The following DPP6 variants were observed in gnomAD, a reference collection of about 807,000 sequenced individuals.
DPP6 encodes A-type potassium channel modulatory protein DPP6.
In DPP6, 69 loss-of-function variants were observed where a neutral mutation model predicts 122.6. The observed-to-expected ratio is 0.56, with a 90% CI of 0.46 to 0.69. DPP6 has a LOEUF of 0.69. DPP6 is among the 30% of genes least tolerant of loss of function. The probability of loss-of-function intolerance (pLI) is 0.00; values close to 1 mark genes in which losing one functional copy is unlikely to be tolerated. For missense variants in DPP6, 928 were observed against 1,116.9 expected (o/e 0.83, Z 2.41); for synonymous variants, 418 against 433.1 (o/e 0.97, Z 0.43).
At chr7:154,063,562 C>A (rs527948367) in intron 1 of DPP6, among the ~76,000 whole-genome samples, 5 of 128,828 alleles carry the variant, frequency 3.9e-5, no homozygotes, top group South Asian at 2.9e-4. Context: ...TGAGAGCTAT[C>A]CCCTCTTCCG....
the DPP6 span, among the ~76,000 whole-genome samples, chr7:153,819,039 C>T: frequency 4.5e-5 from 6 of 134,280 alleles, no homozygotes; most frequent in African/African-American, 1.8e-4. Context: ...CATGAGCCAC[C>T]GCGCCTGGCC....
rs1833498447 is a variant in DPP6 at position 154,603,718 on chromosome 7, AT to A, written c.628-34100del. Among the ~76,000 whole-genome samples, 2 of 104,258 alleles carry A rather than the reference AT, an allele frequency of 1.9e-5. 1 individual carries two copies. Among genetic ancestry groups the A allele is most frequent in the African/African-American group, 5.9e-5 (2 of 33,912 alleles). The allele number at this position is 104,258 out of a possible 152,430, so 68.4% of individuals were successfully genotyped here. The stretch of plus-strand genomic sequence containing the variant: ...GCTCTGGACTCTCTGTTCTTCTTTT[AT>A]TTACTTATTTACTTTTTCTTCTTTT... On this transcript the variant is annotated intron_variant, in intron 5 of 25. Coordinates refer to ENST00000377770, the MANE Select transcript of DPP6 (RefSeq NM_130797.4).
At chr7:153,760,939 C>A in the DPP6 span, among the ~76,000 whole-genome samples, 5 of 152,070 alleles carry the variant, frequency 3.3e-5, no homozygotes, top group Non-Finnish European at 5.9e-5. Flanking sequence ...TCTTTCAGAC[C>A]CTTTAGCGCA....
intron 1 of DPP6, among the ~76,000 whole-genome samples, chr7:154,225,779 G>A (rs542131410): frequency 5.9e-5 from 9 of 152,214 alleles, no homozygotes; most frequent in South Asian, 2.1e-4. Flanking sequence ...GTAAACATAC[G>A]AATTTCTGGC....
intron 16 of DPP6, among the ~76,000 whole-genome samples, chr7:154,834,945 G>A (rs1800934598): frequency 6.6e-6 from 1 of 152,130 alleles, no homozygotes; most frequent in Admixed American, 6.5e-5. Flanking sequence ...TGGCTTGGGG[G>A]TGTCTGAAAA....
chr7:154,425,625 T>TGTGG (rs762292329), intron 1 of DPP6, among the ~76,000 whole-genome samples: 2,283 of 115,660 alleles, frequency 0.02, 20 homozygotes, highest in Non-Finnish European at 0.022. Context: ...TGTGTGGGTG[T>TGTGG]GTGTGTGTGT....
chr7:154,638,333 G>A (rs753388990), intron 6 of DPP6, among the ~76,000 whole-genome samples: 11 of 152,156 alleles, frequency 7.2e-5, no homozygotes, highest in South Asian at 2.1e-4. Context: ...ATGGGATTAC[G>A]GTAAACTACT....
At chr7:154,050,259 G>A (rs1585229506), upstream of DPP6, among the ~76,000 whole-genome samples, 1 of 147,872 alleles carries the variant, frequency 6.8e-6, no homozygotes, top group Middle Eastern at 3.4e-3. Flanking sequence ...TTAAACTTTA[G>A]TTAGATTACA....
chr7:154,519,368 A>G (rs1002389850), intron 3 of DPP6, among the ~76,000 whole-genome samples: 3 of 152,222 alleles, frequency 2.0e-5, no homozygotes, highest in African/African-American at 7.2e-5. Flanking sequence ...CATTCTGCCT[A>G]AGGCAGAGGG....
intron 5 of DPP6, among the ~76,000 whole-genome samples, chr7:154,593,768 G>T (rs1563908423): frequency 6.6e-6 from 1 of 152,296 alleles, no homozygotes; most frequent in South Asian, 2.1e-4. Flanking sequence ...GGCACTCGGG[G>T]GAGCTCAAAC....
chr7:154,626,360 A>T (rs1835066137), intron 5 of DPP6, among the ~76,000 whole-genome samples: 1 of 152,216 alleles, frequency 6.6e-6, no homozygotes, highest in African/African-American at 2.4e-5. Flanking sequence ...TGAAATTTTT[A>T]TTGTTCATCT....
chr7:153,879,445 A>T, the DPP6 span, among the ~76,000 whole-genome samples: 2 of 152,092 alleles, frequency 1.3e-5, no homozygotes, highest in Non-Finnish European at 2.9e-5. Context: ...GCTGGAGTGC[A>T]GCAGTGCCAT....
intron 4 of DPP6, among the ~76,000 whole-genome samples, chr7:154,553,716 C>G (rs1425089281): frequency 6.6e-6 from 1 of 152,076 alleles, no homozygotes; most frequent in Non-Finnish European, 1.5e-5. Context: ...TAGCCTTGGT[C>G]GCTGCAGTTA....
intron 6 of DPP6, among the ~76,000 whole-genome samples, chr7:154,648,565 C>G (rs142723116): frequency 9.9e-5 from 15 of 152,180 alleles, no homozygotes; most frequent in Non-Finnish European, 1.9e-4. Flanking sequence ...AGAGCATACA[C>G]CAACACCAAC....
At chr7:154,250,211 G>A (rs1040671011) in intron 1 of DPP6, among the ~76,000 whole-genome samples, 12 of 152,144 alleles carry the variant, frequency 7.9e-5, no homozygotes, top group African/African-American at 1.7e-4. Context: ...TTTTTGAGAC[G>A]TGAGTCTTGC....
the DPP6 span, among the ~76,000 whole-genome samples, chr7:153,804,041 T>C: frequency 7.4e-6 from 1 of 134,458 alleles, no homozygotes; most frequent in East Asian, 2.0e-4. Flanking sequence ...AATTGCACTA[T>C]AATCCCTAGT....
intron 6 of DPP6, among the ~76,000 whole-genome samples, chr7:154,659,795 A>G (rs1837498219): frequency 6.6e-6 from 1 of 152,220 alleles, no homozygotes; most frequent in African/African-American, 2.4e-5. Context: ...TAACTTATAG[A>G]GACTGAGAAA....
At chr7:154,433,138 T>TTTTTTTTTTG (rs1818570655) in intron 1 of DPP6, among the ~76,000 whole-genome samples, 1 of 22,974 alleles carries the variant, frequency 4.4e-5, no homozygotes, top group African/African-American at 1.2e-4. Context: ...GACTGCAAGT[T>TTTTTTTTTTG]TTTTTTTTTT....
chr7:154,144,620 T>C (rs1340908934), intron 1 of DPP6, among the ~76,000 whole-genome samples: 40 of 149,814 alleles, frequency 2.7e-4, no homozygotes, highest in Non-Finnish European at 4.2e-4. Context: ...AATGGCAAAG[T>C]TGAGCATCAT....
Sources: allele counts gnomAD v4.1 joint callset (sites outside exome capture counted in the v4.1 genomes callset), GRCh38; gene constraint gnomAD v4.1.1; transcripts MANE v1.5; gene names NCBI Gene and HGNC (gene_info 2026-07-23, HGNC 2026-07-21).